The following MPRIP variants were observed in gnomAD, a reference collection of about 807,000 sequenced individuals.
MPRIP encodes the protein myosin phosphatase Rho-interacting protein.
Under a neutral mutation model 234.9 loss-of-function variants are expected in MPRIP, and 59 were observed. That is an observed-to-expected ratio of 0.25 (90% confidence interval 0.20 to 0.31). MPRIP has a LOEUF of 0.31. Among genes scored for constraint, MPRIP ranks in the 10% least tolerant of loss-of-function variants. The pLI, the probability that MPRIP is intolerant of heterozygous loss-of-function variation, is 1.00. For synonymous variants in MPRIP, 1,144 were observed against 1,263.9 expected, an observed-to-expected ratio of 0.91 and a Z score of 2.01; for missense variants, 2,436 against 3,071.0, an observed-to-expected ratio of 0.79 and a Z score of 4.89.
In MPRIP at chr17:17,189,416, C is replaced by T. The variant is rs2046542088; in HGVS notation, c.*4522C>T. 6.6e-6 allele frequency: 1 copy of T among 151,924 alleles called. No individual in the cohort carries two copies. The highest frequency in any genetic ancestry group is 2.4e-5 in the African/African-American group (1 of 41,356). The allele number at this position is 151,924 out of a possible 1,614,324, so 9.4% of individuals were successfully genotyped here. On this transcript the variant is annotated 3_prime_UTR_variant, in exon 24 of 24. Transcript: ENST00000651222. ...ATGTTGGTCAGGATGGTCTCGATTT[C>T]CTGACCTCGTGATCCGCCTGTCTCG...
At chr17:17,130,192 G>C (rs2090568346) in intron 4 of MPRIP, among the ~76,000 whole-genome samples, 1 of 152,134 alleles carries the variant, frequency 6.6e-6, no homozygotes, top group African/African-American at 2.4e-5. Context: ...GCTGGGCTGA[G>C]GGTGGCCCCT....
At chr17:17,168,009 G>A (rs2046042795) in intron 16 of MPRIP, 94 bp downstream of exon 16, 1 of 988,936 alleles carries the variant, frequency 1.0e-6, no homozygotes, top group Non-Finnish European at 1.4e-6. Context: ...AGGCAGAATT[G>A]AGGGGATATG....
rs2046338522 is a variant in MPRIP, at chr17:17,179,991, T to C, written c.7121-12T>C. On this transcript the variant is annotated splice_polypyrimidine_tract_variant and intron_variant, in intron 22 of 23. Coordinates refer to ENST00000651222, the MANE Select transcript of MPRIP (RefSeq NM_001364716.4). Reference sequence around the variant, plus strand: ...AGGTAACAGGTCTGTTTGTTTTCATTATATACCGCAGATATAATGAAATCT... The same window carrying C: ...AGGTAACAGGTCTGTTTGTTTTCATCATATACCGCAGATATAATGAAATCT... 1 of 1,588,406 alleles carries C rather than the reference T, an allele frequency of 6.3e-7. No individual in the cohort carries two copies. Among genetic ancestry groups the C allele is most frequent in the Non-Finnish European group, 8.6e-7 (1 of 1,169,024 alleles).
intron 1 of MPRIP, among the ~76,000 whole-genome samples, chr17:17,065,953 C>T (rs78562374): frequency 0.024 from 3,645 of 152,140 alleles, 64 homozygotes; most frequent in Middle Eastern, 0.078. Context: ...TCCACGTGTC[C>T]GTTGCTAGCA....
chr17:17,044,988 CAG>C (rs1166261680), intron 1 of MPRIP, among the ~76,000 whole-genome samples: 2 of 152,178 alleles, frequency 1.3e-5, no homozygotes, highest in Non-Finnish European at 2.9e-5. Context: ...GAGGGAGACT[CAG>C]GGCTGTTGCC....
chr17:17,100,167 G>A (rs544551855), intron 3 of MPRIP, among the ~76,000 whole-genome samples: 55 of 152,156 alleles, frequency 3.6e-4, no homozygotes, highest in Non-Finnish European at 6.6e-4. Flanking sequence ...TTGGAAACAC[G>A]TTAATTTGGA....
chr17:17,073,518 G>T (rs1398600056), intron 1 of MPRIP, among the ~76,000 whole-genome samples: 1 of 152,230 alleles, frequency 6.6e-6, no homozygotes, highest in East Asian at 1.9e-4. Flanking sequence ...GCCTCCAGAG[G>T]CCAGGGTGGT....
chr17:17,184,047 C>T (rs2046425939), intron 23 of MPRIP, among the ~76,000 whole-genome samples: 1 of 152,210 alleles, frequency 6.6e-6, no homozygotes, highest in South Asian at 2.1e-4. Flanking sequence ...CCTTCATTTC[C>T]AGTCATTCTC....
chr17:17,158,453 C>G lies in MPRIP; in HGVS notation c.1851C>G (p.Asn617Lys). 1 of 1,576,104 alleles carries G rather than the reference C, an allele frequency of 6.3e-7. No individual in the cohort carries two copies. Among genetic ancestry groups the G allele is most frequent in the East Asian group, 2.2e-5 (1 of 44,460 alleles). The change falls in exon 14 of 24, where the codon AAC becomes AAG. Residue 617 changes from asparagine (N) to lysine (K), a missense_variant. This residue lies in a region of MPRIP where 1,998 missense variants were observed against 2,520.3 expected (regional missense o/e 0.79). Transcript: ENST00000651222. ...DVTSSLPEEK[N>K]KSSCSFETCP... ...ACAGCTCGTTGCCAGAGGAAAAAAACAAGAGCAGCTGCTCTTTTGAGACCT... is the reference window on the plus strand; with the variant it reads ...ACAGCTCGTTGCCAGAGGAAAAAAAGAAGAGCAGCTGCTCTTTTGAGACCT...
chr17:17,152,126 G>C (rs537669175), intron 12 of MPRIP, among the ~76,000 whole-genome samples: 1 of 152,384 alleles, frequency 6.6e-6, no homozygotes, highest in Non-Finnish European at 1.5e-5. Flanking sequence ...CTGCGTGCAG[G>C]CATCTGCGAG....
chr17:17,137,135 C>T (rs766324751), intron 6 of MPRIP, among the ~76,000 whole-genome samples: 8 of 152,202 alleles, frequency 5.3e-5, no homozygotes, highest in Non-Finnish European at 7.3e-5. Flanking sequence ...GAATCTTCCT[C>T]TCAGGCCTAT....
At chr17:17,060,549 G>A (rs1567687690) in intron 1 of MPRIP, among the ~76,000 whole-genome samples, 1 of 152,172 alleles carries the variant, frequency 6.6e-6, no homozygotes, top group Non-Finnish European at 1.5e-5. Context: ...GTTTCCTGGG[G>A]TATAAAATGG....
chr17:17,168,046 G>A, intron 16 of MPRIP, 131 bp downstream of exon 16: 2 of 761,800 alleles, frequency 2.6e-6, no homozygotes, highest in Non-Finnish European at 3.7e-6. Flanking sequence ...TGCTAGCCAT[G>A]GTGTGGTCTC....
chr17:17,172,631 C>T lies in MPRIP; in HGVS notation c.6473-67C>T. Reference sequence around the variant, plus strand: ...GCGCCATCCCATTGTGTGGAGCTCCCCACCCCCACCCCTGTCAGCAGGAAG... The same window carrying T: ...GCGCCATCCCATTGTGTGGAGCTCCTCACCCCCACCCCTGTCAGCAGGAAG... On this transcript the variant is annotated intron_variant, in intron 17 of 23. Coordinates refer to ENST00000651222, the MANE Select transcript of MPRIP (RefSeq NM_001364716.4). The T allele has an allele frequency of 5.4e-6, 7 of 1,302,368 alleles. No individual in the cohort carries two copies. In the South Asian group the frequency reaches 8.4e-5, roughly 16 times the overall value. The allele number at this position is 1,302,368 out of a possible 1,614,324, so 80.7% of individuals were successfully genotyped here. A position where few individuals can be genotyped will look rare whatever the true frequency, so the allele number is the denominator to read the frequency against.
chr17:17,120,928 C>T (rs190359851), intron 3 of MPRIP, among the ~76,000 whole-genome samples: 1 of 152,150 alleles, frequency 6.6e-6, no homozygotes, highest in African/African-American at 2.4e-5. Context: ...TATCCTGCCC[C>T]CTAGGCAGAG....
chr17:17,143,481 G>A, intron 8 of MPRIP, 75 bp from the exon 9 acceptor site: 2 of 975,732 alleles, frequency 2.0e-6, no homozygotes, highest in South Asian at 2.0e-5. Flanking sequence ...TTGGAGGGGT[G>A]GACAGCACCA....
intron 3 of MPRIP, among the ~76,000 whole-genome samples, chr17:17,083,891 G>C (rs542149452): frequency 6.6e-6 from 1 of 152,086 alleles, no homozygotes; most frequent in East Asian, 1.9e-4. Flanking sequence ...CTACAGGCCC[G>C]CGCCACCATG....
chr17:17,166,585 C>G lies in MPRIP; in HGVS notation c.4994C>G (p.Ala1665Gly), dbSNP rs2046002438. ...PQGLAPILANATWVRAELSFA... is the reference protein window; with the variant it reads ...PQGLAPILANGTWVRAELSFA... ...GGCCTGGCCCCCATCCTGGCCAATG[C>G]CACATGGGTCAGGGCAGAGCTCAGC... Residue 1665 changes from alanine (A) to glycine (G), a missense_variant, in exon 16 of 24, where the codon GCC (alanine) becomes GGC (glycine). Physicochemically the swap from Ala to Gly is moderately conservative, Grantham distance 60 (BLOSUM62 0). Around this residue, in one of 4 missense-constraint regions of MPRIP, gnomAD observed 1,998 missense variants for 2,520.3 expected, o/e 0.79. Coordinates refer to ENST00000651222, the MANE Select transcript of MPRIP (RefSeq NM_001364716.4). This position sits in a 1 kb window ranked among gnomAD's most constrained non-coding sequence, Gnocchi z 4.4. 7.7e-7 allele frequency: 1 copy of G among 1,303,986 alleles called. No homozygotes were observed. Among genetic ancestry groups the G allele is most frequent in the African/African-American group, 1.5e-5 (1 of 65,874 alleles). The allele number at this position is 1,303,986 out of a possible 1,614,324, so 80.8% of individuals were successfully genotyped here. A position where few individuals can be genotyped will look rare whatever the true frequency, so the allele number is the denominator to read the frequency against.
intron 3 of MPRIP, among the ~76,000 whole-genome samples, chr17:17,106,952 T>C (rs1345090537): frequency 6.6e-6 from 1 of 152,222 alleles, no homozygotes; most frequent in Non-Finnish European, 1.5e-5. Context: ...CTGGCCTTCC[T>C]GGAATGCTGG....
Sources: allele counts gnomAD v4.1 joint callset (sites outside exome capture counted in the v4.1 genomes callset), GRCh38; gene constraint gnomAD v4.1.1; regional missense constraint gnomAD v4.1.1; non-coding constraint Gnocchi (gnomAD v3.1); transcripts MANE v1.5; gene names NCBI Gene and HGNC (gene_info 2026-07-23, HGNC 2026-07-21).